The following CRTAC1 variants were observed in gnomAD, a reference collection of about 807,000 sequenced individuals.
CRTAC1 encodes the protein cartilage acidic protein 1, also known as acidic secreted protein in cartilage.
In CRTAC1, 37 loss-of-function variants were observed where a neutral mutation model predicts 67.8. The observed-to-expected ratio is 0.55, with a 90% CI of 0.42 to 0.72. The LOEUF is 0.72. Ranked by LOEUF, CRTAC1 falls within the 30% of genes least tolerant of loss-of-function variation. The pLI is 0.00. For synonymous variants in CRTAC1, 348 were observed against 371.0 expected (o/e 0.94, Z 0.71); for missense variants, 780 against 931.6 (o/e 0.84, Z 2.12).
intron 2 of CRTAC1, among the ~76,000 whole-genome samples, chr10:97,963,242 T>G (rs1393512211): frequency 6.6e-6 from 1 of 152,152 alleles, no homozygotes; most frequent in East Asian, 1.9e-4. Flanking sequence ...ATCTTTGTTT[T>G]GATGTCCTCT....
At chr10:97,964,344 A>T (rs1190695053) in intron 2 of CRTAC1, among the ~76,000 whole-genome samples, 3 of 152,238 alleles carry the variant, frequency 2.0e-5, no homozygotes, top group Non-Finnish European at 2.9e-5. Context: ...GTAATGTTTG[A>T]GGACCACTGT....
chr10:98,005,345 T>A (rs963758744), intron 2 of CRTAC1, among the ~76,000 whole-genome samples: 1 of 150,858 alleles, frequency 6.6e-6, no homozygotes, highest in Admixed American at 6.6e-5. Context: ...CCTCAGGTGA[T>A]CCACCTGCCT....
chr10:98,019,993 AT>A (rs765244628), intron 1 of CRTAC1, among the ~76,000 whole-genome samples: 1 of 152,194 alleles, frequency 6.6e-6, no homozygotes, highest in Non-Finnish European at 1.5e-5. Flanking sequence ...CTGCCTCTTC[AT>A]TCTTCACACC....
intron 2 of CRTAC1, among the ~76,000 whole-genome samples, chr10:97,970,801 G>C (rs1468361980): frequency 6.6e-6 from 1 of 152,224 alleles, no homozygotes; most frequent in Non-Finnish European, 1.5e-5. Flanking sequence ...CCAATGCCTA[G>C]ATAGTGCCTG....
intron 12 of CRTAC1, 145 bp downstream of exon 12, chr10:97,884,061 G>T: frequency 1.2e-6 from 1 of 820,326 alleles, no homozygotes; most frequent in Non-Finnish European, 1.9e-6. Context: ...TACAAATGGA[G>T]GGATCAGTAT....
chr10:98,023,997 C>T (rs906241848), intron 1 of CRTAC1, among the ~76,000 whole-genome samples: 5 of 152,370 alleles, frequency 3.3e-5, no homozygotes, highest in African/African-American at 1.2e-4. Context: ...GGCCTGTTCC[C>T]CTTCCTAAGA....
intron 14 of CRTAC1, chr10:97,871,491 T>C (rs2050093013): frequency 6.6e-6 from 1 of 152,278 alleles, no homozygotes; most frequent in Admixed American, 6.5e-5. Flanking sequence ...TGTAGATTTA[T>C]AGCAGGCTTC....
At chr10:97,982,157 G>A (rs181523412) in intron 2 of CRTAC1, among the ~76,000 whole-genome samples, 64 of 152,268 alleles carry the variant, frequency 4.2e-4, no homozygotes, top group African/African-American at 1.5e-3. Flanking sequence ...AAAAGCTTCT[G>A]ACTCACTCAA....
rs112110226 is a variant in CRTAC1, at chr10:97,943,253, C to T, written c.225-6887G>A. 1.6e-3 allele frequency among the ~76,000 whole-genome samples: 238 copies of T among 151,894 alleles called. 3 individuals carry two copies. Among genetic ancestry groups the T allele is most frequent in the African/African-American group, 5.3e-3 (221 of 41,424 alleles). On this transcript the variant is annotated intron_variant, in intron 2 of 14. Coordinates refer to ENST00000370597, the MANE Select transcript of CRTAC1 (RefSeq NM_018058.7). ...AATATACAAAAAGGGAAGAGGAAGC[C>T]GACAAGCACAGAGAAAATGATATCA... is the stretch of plus-strand genomic sequence containing the variant.
intron 2 of CRTAC1, among the ~76,000 whole-genome samples, chr10:97,945,509 A>G (rs754505664): frequency 2.0e-5 from 3 of 152,192 alleles, no homozygotes; most frequent in Non-Finnish European, 4.4e-5. Context: ...ATATGGGAAG[A>G]CATTCAAACA....
intron 11 of CRTAC1, among the ~76,000 whole-genome samples, chr10:97,889,162 G>C (rs2050328534): frequency 6.6e-6 from 1 of 151,332 alleles, no homozygotes; most frequent in East Asian, 2.0e-4. Context: ...AGGGAGAATG[G>C]TTGGGGTGGC....
chr10:98,002,804 A>C (rs147926658), intron 2 of CRTAC1, among the ~76,000 whole-genome samples: 8,921 of 77,720 alleles, frequency 0.11, 497 homozygotes, highest in Admixed American at 0.17. Context: ...TTTTTGAGAG[A>C]GTCTGTCTCT....
At chr10:97,879,865 T>TCCAGGGGGGGGGGGGGGGGGGG in intron 14 of CRTAC1, 1 of 226,632 alleles carries the variant, frequency 4.4e-6, no homozygotes, top group Non-Finnish European at 8.7e-6. Flanking sequence ...GGGGACGGGG[T>TCCAGGGGGGGGGGGGGGGGGGG]GGGGGTGGAG....
intron 2 of CRTAC1, among the ~76,000 whole-genome samples, chr10:97,986,507 C>T (rs759600365): frequency 2.0e-5 from 3 of 152,102 alleles, no homozygotes; most frequent in African/African-American, 4.8e-5. Context: ...TGCAGGATTG[C>T]GAGTGTTTTA....
chr10:98,017,112 G>A (rs1248075080), intron 1 of CRTAC1, among the ~76,000 whole-genome samples: 1 of 152,192 alleles, frequency 6.6e-6, no homozygotes, highest in East Asian at 1.9e-4. Flanking sequence ...TGTGTATCAA[G>A]CACCTACTAT....
At chr10:98,004,510 G>A (rs1842747309) in intron 2 of CRTAC1, among the ~76,000 whole-genome samples, 1 of 152,142 alleles carries the variant, frequency 6.6e-6, no homozygotes, top group South Asian at 2.1e-4. Flanking sequence ...GCAATTTGGT[G>A]ATATCTAATA....
intron 2 of CRTAC1, among the ~76,000 whole-genome samples, chr10:97,985,163 T>C (rs955642587): frequency 1.2e-4 from 19 of 152,088 alleles, no homozygotes; most frequent in Admixed American, 1.3e-4. Flanking sequence ...AATTACCTAC[T>C]AGTAAAGAAA....
rs376435398 is a variant in CRTAC1 at position 97,966,837 on chromosome 10, G to A, written c.225-30471C>T. Among the ~76,000 whole-genome samples the A allele has an allele frequency of 1.6e-3, 238 of 152,248 alleles. 2 individuals carry two copies. Among genetic ancestry groups the A allele is most frequent in the African/African-American group, 5.2e-3 (215 of 41,546 alleles). On this transcript the variant is annotated intron_variant, in intron 2 of 14. Transcript: ENST00000370597. Reference sequence around the variant, plus strand: ...ATGTTTTTCTCAGGGTTAGACTGGGGTTAGTGGGTTTTTGGGAGGAAGACC... The same window carrying A: ...ATGTTTTTCTCAGGGTTAGACTGGGATTAGTGGGTTTTTGGGAGGAAGACC...
intron 2 of CRTAC1, among the ~76,000 whole-genome samples, chr10:97,985,213 T>A (rs1228864624): frequency 1.3e-5 from 2 of 152,154 alleles, no homozygotes; most frequent in African/African-American, 4.8e-5. Context: ...AAATGACAAA[T>A]TTGAACCATA....
Sources: allele counts gnomAD v4.1 joint callset (sites outside exome capture counted in the v4.1 genomes callset), GRCh38; gene constraint gnomAD v4.1.1; transcripts MANE v1.5; gene names NCBI Gene and HGNC (gene_info 2026-07-23, HGNC 2026-07-21).